The following PRH1 variants were observed in gnomAD, a reference collection of about 807,000 sequenced individuals.
PRH1 encodes salivary acidic proline-rich phosphoprotein 1/2.
In PRH1, 7 loss-of-function variants were observed where a neutral mutation model predicts 7.9. That is an observed-to-expected ratio of 0.89 (90% CI 0.50 to 1.67). PRH1 has a LOEUF of 1.67. PRH1 is among the 40% of genes most tolerant of loss of function. The probability of loss-of-function intolerance (pLI) is 0.00; values close to 1 mark genes in which losing one functional copy is unlikely to be tolerated. For synonymous variants in PRH1, 45 were observed against 80.8 expected, an observed-to-expected ratio of 0.56 and a Z score of 2.38; for missense variants, 109 against 223.6, an observed-to-expected ratio of 0.49 and a Z score of 3.27.
intron 1 of PRH1, chr12:11,171,251 G>A (rs1164611096): frequency 2.8e-5 from 20 of 719,154 alleles, no homozygotes; most frequent in Middle Eastern, 4.4e-4. Context: ...GTGAGCCCGG[G>A]AGCCGCTTTG....
At chr12:11,147,150 T>C (rs894815997) in intron 1 of PRH1, among the ~76,000 whole-genome samples, 1 of 152,324 alleles carries the variant, frequency 6.6e-6, no homozygotes, top group South Asian at 2.1e-4. Context: ...AAAGAAATTA[T>C]ATTTTATAAT....
chr12:10,934,912 T>G (rs1168952809), intron 2 of PRH1, among the ~76,000 whole-genome samples: 1 of 152,218 alleles, frequency 6.6e-6, no homozygotes, highest in African/African-American at 2.4e-5. Flanking sequence ...TGTTATCAAT[T>G]GCATTAAAAT....
chr12:11,048,587 G>T, upstream of PRH1: 1 of 577,280 alleles, frequency 1.7e-6, no homozygotes, highest in South Asian at 2.0e-5. Context: ...GCTTTTATGT[G>T]CACCTTGGTG....
chr12:11,139,249 A>C (rs1946640154), intron 1 of PRH1, among the ~76,000 whole-genome samples: 1 of 152,170 alleles, frequency 6.6e-6, no homozygotes, highest in South Asian at 2.1e-4. Context: ...AAAACCTAAA[A>C]ACAGTAAGAA....
chr12:11,136,388 T>C (rs1946555490), intron 1 of PRH1, among the ~76,000 whole-genome samples: 1 of 152,184 alleles, frequency 6.6e-6, no homozygotes, highest in Admixed American at 6.5e-5. Flanking sequence ...TTAATGTACA[T>C]TTGGTCTGCT....
chr12:11,120,527 C>T (rs1697545642), downstream of PRH1, among the ~76,000 whole-genome samples: 1 of 152,124 alleles, frequency 6.6e-6, no homozygotes, highest in Non-Finnish European at 1.5e-5. Context: ...AGTCCTCTGC[C>T]TGGTGCACAC....
intron 2 of PRH1, among the ~76,000 whole-genome samples, chr12:10,915,782 C>G (rs1949964014): frequency 1.3e-5 from 2 of 152,242 alleles, no homozygotes. Context: ...CTTATTTCAT[C>G]TGTCCTGTCT....
intron 1 of PRH1, among the ~76,000 whole-genome samples, chr12:11,040,497 T>G (rs1437734135): frequency 1.3e-5 from 2 of 152,128 alleles, no homozygotes; most frequent in Non-Finnish European, 2.9e-5. Flanking sequence ...TTATCACTCA[T>G]AAGTGGGAAT....
At chr12:11,167,257 A>G (rs559537477) in intron 1 of PRH1, among the ~76,000 whole-genome samples, 1 of 152,244 alleles carries the variant, frequency 6.6e-6, no homozygotes, top group Non-Finnish European at 1.5e-5. Flanking sequence ...AAAGCTGGCA[A>G]TTACAGACCA....
upstream of PRH1, among the ~76,000 whole-genome samples, chr12:11,051,129 C>T (rs797016505): frequency 8.4e-5 from 11 of 130,706 alleles, no homozygotes; most frequent in African/African-American, 3.0e-4. Flanking sequence ...CTAAGCCAAG[C>T]GTGTGGGAAA....
At chr12:11,093,530 T>C (rs1196995861) in intron 1 of PRH1, among the ~76,000 whole-genome samples, 1 of 116,148 alleles carries the variant, frequency 8.6e-6, no homozygotes, top group Non-Finnish European at 2.0e-5. Context: ...ATAATATTTA[T>C]TTATCAAACA....
At chr12:10,889,051 A>T (rs1275998544), upstream of PRH1, among the ~76,000 whole-genome samples, 1 of 152,200 alleles carries the variant, frequency 6.6e-6, no homozygotes, top group East Asian at 1.9e-4. Flanking sequence ...AGAAAACTCA[A>T]GTGAAAAAGG....
At chr12:11,100,631 A>G (rs1945207108) in intron 1 of PRH1, among the ~76,000 whole-genome samples, 1 of 152,252 alleles carries the variant, frequency 6.6e-6, no homozygotes, top group African/African-American at 2.4e-5. Context: ...ATCAAATAGT[A>G]AAACAGTACT....
At chr12:11,086,928 C>A (rs75196300) in intron 1 of PRH1, among the ~76,000 whole-genome samples, 8,345 of 70,014 alleles carry the variant, frequency 0.12, 2,502 homozygotes, top group African/African-American at 0.29. Flanking sequence ...ACCACCACCA[C>A]CAACAAAGGG....
Position 11,016,616 on chromosome 12 carries a change from C to T in PRH1, c.-126+30404G>A, listed in dbSNP as rs74690948. Among the ~76,000 whole-genome samples the T allele has an allele frequency of 3.1e-3, 473 of 152,282 alleles. 3 individuals are homozygous for T. Among genetic ancestry groups the T allele is most frequent in the African/African-American group, 9.3e-3 (386 of 41,552 alleles). On this transcript the variant is annotated intron_variant, in intron 1 of 3. Coordinates refer to the PRH1 transcript ENST00000539853. Reference sequence around the variant, plus strand: ...TCCGCCTCCAAAAGTGCGGGGACTGCGGGCATGAGCCATCATACCCAGCCT... The same window carrying T: ...TCCGCCTCCAAAAGTGCGGGGACTGTGGGCATGAGCCATCATACCCAGCCT...
At chr12:11,040,158 AT>A (rs1207158283) in intron 1 of PRH1, among the ~76,000 whole-genome samples, 1 of 152,174 alleles carries the variant, frequency 6.6e-6, no homozygotes, top group African/African-American at 2.4e-5. Context: ...ATTTGGTTTC[AT>A]TTTTCTCCGT....
Position 11,059,309 on chromosome 12 carries a change from A to G in PRH1, n.124-12121T>C, listed in dbSNP as rs139207232. On this transcript the variant is annotated intron_variant and non_coding_transcript_variant, in intron 1 of 4. Coordinates refer to the PRH1 transcript ENST00000541977. ...GTGAAGTGGCTGCCAGCAGAGCCATACCAGACATCACCACACATTGTTTCA... is the reference window on the plus strand; with the variant it reads ...GTGAAGTGGCTGCCAGCAGAGCCATGCCAGACATCACCACACATTGTTTCA... 4.0e-3 allele frequency among the ~76,000 whole-genome samples: 595 copies of G among 149,408 alleles called. 1 individual carries two copies. Among genetic ancestry groups the G allele is most frequent in the African/African-American group, 0.014 (566 of 41,018 alleles).
intron 1 of PRH1, among the ~76,000 whole-genome samples, chr12:10,978,495 C>G (rs1322552692): frequency 6.6e-6 from 1 of 152,090 alleles, no homozygotes; most frequent in African/African-American, 2.4e-5. Flanking sequence ...TAGGAAATAC[C>G]TTTCTGGACA....
chr12:10,905,386 G>A (rs1427022924), intron 2 of PRH1, among the ~76,000 whole-genome samples: 1 of 152,114 alleles, frequency 6.6e-6, no homozygotes, highest in Non-Finnish European at 1.5e-5. Flanking sequence ...TGGATTACAG[G>A]CCAGGCACAG....
Sources: gnomAD v4.1 joint callset for allele counts (sites outside exome capture counted in the v4.1 genomes callset) on GRCh38, gnomAD v4.1.1 for gene constraint, MANE v1.5 for transcripts, NCBI Gene and HGNC (gene_info 2026-07-23, HGNC 2026-07-21) for gene names.